The following SLC25A21 variants were observed in gnomAD, a reference collection of about 807,000 sequenced individuals.
SLC25A21 encodes the protein solute carrier family 25 member 21.
In SLC25A21, 47 loss-of-function variants were observed where a neutral mutation model predicts 43.8. The observed-to-expected ratio is 1.07, with a 90% confidence interval of 0.85 to 1.37. The LOEUF is 1.37. SLC25A21 is among the 40% of genes most tolerant of loss of function. The probability of loss-of-function intolerance (pLI) is 0.00; values close to 1 mark genes in which losing one functional copy is unlikely to be tolerated. For synonymous variants in SLC25A21, 131 were observed against 121.3 expected, an observed-to-expected ratio of 1.08 and a Z score of -0.52; for missense variants, 352 against 350.2, an observed-to-expected ratio of 1.00 and a Z score of -0.04.
At chr14:36,972,612 G>A (rs536898899) in intron 1 of SLC25A21, among the ~76,000 whole-genome samples, 1 of 152,288 alleles carries the variant, frequency 6.6e-6, no homozygotes, top group Admixed American at 6.5e-5. Context: ...TATCTGAGAA[G>A]GCCATGACCA....
intron 1 of SLC25A21, among the ~76,000 whole-genome samples, chr14:37,088,789 C>T (rs945330271): frequency 6.6e-6 from 1 of 152,168 alleles, no homozygotes; most frequent in Non-Finnish European, 1.5e-5. Flanking sequence ...CAAGAAAACA[C>T]CCAGGCAGTG....
intron 3 of SLC25A21, among the ~76,000 whole-genome samples, chr14:36,794,410 A>T (rs1887599629): frequency 6.6e-6 from 1 of 152,214 alleles, no homozygotes; most frequent in Admixed American, 6.5e-5. Flanking sequence ...AAACAGGATT[A>T]GAAAATATGA....
chr14:37,084,635 A>G (rs2138842412), intron 1 of SLC25A21, among the ~76,000 whole-genome samples: 1 of 152,384 alleles, frequency 6.6e-6, no homozygotes, highest in Admixed American at 6.5e-5. Flanking sequence ...AACTCTAGTT[A>G]TATAGTCGGT....
intron 1 of SLC25A21, among the ~76,000 whole-genome samples, chr14:37,042,675 C>T (rs1358077141): frequency 6.6e-6 from 1 of 152,180 alleles, no homozygotes; most frequent in African/African-American, 2.4e-5. Flanking sequence ...CTTCAGTGAA[C>T]TTCTAAAAAT....
intron 9 of SLC25A21, among the ~76,000 whole-genome samples, chr14:36,682,497 A>C (rs976856258): frequency 6.6e-6 from 1 of 152,220 alleles, no homozygotes; most frequent in Non-Finnish European, 1.5e-5. Flanking sequence ...AGATTATTTA[A>C]GAGTTTTGGA....
At chr14:36,805,611 T>C (rs1225485113) in intron 3 of SLC25A21, among the ~76,000 whole-genome samples, 4 of 152,294 alleles carry the variant, frequency 2.6e-5, no homozygotes, top group Admixed American at 6.5e-5. Context: ...TGCCAAATAA[T>C]GTATCCATGG....
At chr14:36,912,303 C>T (rs151009315) in intron 1 of SLC25A21, among the ~76,000 whole-genome samples, 194 of 152,290 alleles carry the variant, frequency 1.3e-3, no homozygotes, top group African/African-American at 3.9e-3. Flanking sequence ...TCCACGGCCA[C>T]CAGATATGAG....
intron 1 of SLC25A21, among the ~76,000 whole-genome samples, chr14:37,147,844 C>CTTTTTTTTTT (rs61239254): frequency 1.9e-4 from 24 of 126,244 alleles, no homozygotes; most frequent in Non-Finnish European, 2.8e-4. Context: ...TTTTTCTTTT[C>CTTTTTTTTTT]TTTTTTTTTT....
rs138521360 is a variant in SLC25A21, at chr14:36,981,912, C to T, written c.71-106908G>A. On this transcript the variant is annotated intron_variant, in intron 1 of 9. Coordinates refer to ENST00000331299, the MANE Select transcript of SLC25A21 (RefSeq NM_030631.4). ...TTTGATCCACTCAATACCTAACAGG[C>T]GAGTTGATGTATCTACTGATTTTAA... Among the ~76,000 whole-genome samples the T allele has an allele frequency of 6.6e-5, 10 of 152,226 alleles. No homozygotes were observed. The East Asian group carries it at 1.9e-3, about 29-fold the overall frequency.
At chr14:36,798,765 C>A (rs1887761655) in intron 3 of SLC25A21, among the ~76,000 whole-genome samples, 1 of 152,090 alleles carries the variant, frequency 6.6e-6, no homozygotes, top group Non-Finnish European at 1.5e-5. Context: ...ACACTTTGTA[C>A]ACTTCAGGGA....
rs114927961 is a variant in SLC25A21 at position 37,135,722 on chromosome 14, A to G, written c.70+36559T>C. 7.7e-3 allele frequency among the ~76,000 whole-genome samples: 1,170 copies of G among 152,298 alleles called. 20 individuals carry two copies. Among genetic ancestry groups the G allele is most frequent in the African/African-American group, 0.027 (1,119 of 41,538 alleles). On this transcript the variant is annotated intron_variant, in intron 1 of 9. Coordinates refer to ENST00000331299, the MANE Select transcript of SLC25A21 (RefSeq NM_030631.4). ...CATTTTAACAATTTTGTTGAATGGG[A>G]AAAATAGTAGAGTGCTACAATCTTT...
chr14:37,024,259 T>C (rs999942827), intron 1 of SLC25A21, among the ~76,000 whole-genome samples: 2 of 152,084 alleles, frequency 1.3e-5, no homozygotes, highest in African/African-American at 4.8e-5. Context: ...TGTTTAATAC[T>C]GATGCTGAAC....
chr14:36,907,803 C>T (rs991776836), intron 1 of SLC25A21, among the ~76,000 whole-genome samples: 2 of 152,050 alleles, frequency 1.3e-5, no homozygotes, highest in Non-Finnish European at 2.9e-5. Flanking sequence ...AAAAATGTTC[C>T]AAGGGTGGGT....
chr14:36,840,248 ATC>A (rs1431130688), intron 2 of SLC25A21, among the ~76,000 whole-genome samples: 1 of 152,124 alleles, frequency 6.6e-6, no homozygotes, highest in African/African-American at 2.4e-5. Context: ...TCAAATAATT[ATC>A]AAAGGTGTCA....
chr14:36,919,216 T>C (rs1468300637), intron 1 of SLC25A21, among the ~76,000 whole-genome samples: 1 of 152,154 alleles, frequency 6.6e-6, no homozygotes, highest in Non-Finnish European at 1.5e-5. Flanking sequence ...TTATTCTAAA[T>C]TGCTGCACAA....
At chr14:36,978,499 C>A (rs1253629864) in intron 1 of SLC25A21, among the ~76,000 whole-genome samples, 2 of 152,168 alleles carry the variant, frequency 1.3e-5, no homozygotes, top group Non-Finnish European at 2.9e-5. Flanking sequence ...AGGGCTGCCA[C>A]AAACCTTCAA....
intron 1 of SLC25A21, among the ~76,000 whole-genome samples, chr14:37,001,618 T>G (rs1960492187): frequency 6.6e-6 from 1 of 152,200 alleles, no homozygotes; most frequent in African/African-American, 2.4e-5. Flanking sequence ...TTTTCATTCT[T>G]TCATTTGTTT....
chr14:37,167,821 A>G (rs1039826587), intron 1 of SLC25A21, among the ~76,000 whole-genome samples: 13 of 151,698 alleles, frequency 8.6e-5, no homozygotes, highest in Admixed American at 8.6e-4. Flanking sequence ...CTGACTCAGC[A>G]TAAGACAGCT....
chr14:37,059,550 G>GT (rs1475409881), intron 1 of SLC25A21, among the ~76,000 whole-genome samples: 4 of 152,122 alleles, frequency 2.6e-5, no homozygotes, highest in South Asian at 2.1e-4. Context: ...GGAGAATTGG[G>GT]TTTTTTTAAA....
Sources: allele counts gnomAD v4.1 joint callset (sites outside exome capture counted in the v4.1 genomes callset), GRCh38; gene constraint gnomAD v4.1.1; transcripts MANE v1.5; gene names NCBI Gene and HGNC (gene_info 2026-07-23, HGNC 2026-07-21).